RPRD2: variants seen among roughly 807,000 people sequenced by gnomAD.
RPRD2 encodes regulation of nuclear pre-mRNA domain-containing protein 2.
Under a neutral mutation model 104.4 loss-of-function variants are expected in RPRD2, and 12 were observed. That is an observed-to-expected ratio of 0.11 (90% CI 0.07 to 0.19). RPRD2 has a LOEUF of 0.19. Ranked by LOEUF, RPRD2 falls within the 10% of genes least tolerant of loss-of-function variation. RPRD2 has a pLI of 1.00. For missense variants in RPRD2, 1,543 were observed against 1,790.1 expected (o/e 0.86, Z 2.49); for synonymous variants, 714 against 684.9 (o/e 1.04, Z -0.66).
chr1:150,457,076 T>C (rs781785758), intron 7 of RPRD2, among the ~76,000 whole-genome samples: 24 of 151,816 alleles, frequency 1.6e-4, no homozygotes, highest in Non-Finnish European at 3.2e-4. Context: ...ATACAAAAAT[T>C]AGCCAGGCAT....
At chr1:150,432,364 G>C (rs1553892025) in intron 2 of RPRD2, among the ~76,000 whole-genome samples, 1 of 151,986 alleles carries the variant, frequency 6.6e-6, no homozygotes, top group Non-Finnish European at 1.5e-5. Flanking sequence ...AGAGATAAGG[G>C]GGAGTTATTG....
intron 1 of RPRD2, among the ~76,000 whole-genome samples, chr1:150,366,512 A>G (rs696615): frequency 6.6e-6 from 1 of 151,998 alleles, no homozygotes; most frequent in African/African-American, 2.4e-5. Context: ...ATCAAATATG[A>G]TAACAGTCAT....
intron 9 of RPRD2, among the ~76,000 whole-genome samples, chr1:150,462,192 C>G (rs1430626998): frequency 1.3e-4 from 19 of 150,730 alleles, no homozygotes; most frequent in Admixed American, 1.3e-4. Context: ...TGAGGCAGGA[C>G]AATCACTTGA....
chr1:150,448,049 C>T (rs2102377085), intron 7 of RPRD2, among the ~76,000 whole-genome samples: 2 of 152,264 alleles, frequency 1.3e-5, no homozygotes, highest in South Asian at 4.1e-4. Flanking sequence ...TATTTTTTGA[C>T]CATTAACACT....
At chr1:150,408,443 C>G (rs981114786) in intron 1 of RPRD2, among the ~76,000 whole-genome samples, 1 of 152,014 alleles carries the variant, frequency 6.6e-6, no homozygotes, top group Admixed American at 6.6e-5. Context: ...CATGAGCCAC[C>G]GCGCCTGGCC....
intron 1 of RPRD2, among the ~76,000 whole-genome samples, chr1:150,398,353 C>T (rs1002996692): frequency 4.0e-5 from 6 of 151,662 alleles, no homozygotes; most frequent in Non-Finnish European, 7.4e-5. Context: ...CCTGCCACCA[C>T]GCCTGGCTAA....
At position 150,466,561 on chromosome 1, in the gene RPRD2, A is replaced by T. The variant is rs868949821; in HGVS notation, c.1612+1834A>T. ...CCTGCCTCAAAAAAAAAAAAAAAAA[A>T]ATTTCTGAGACATGAATATATCTTT... On this transcript the variant is annotated intron_variant, in intron 10 of 10. Transcript: ENST00000369068. 6.5e-4 allele frequency among the ~76,000 whole-genome samples: 92 copies of T among 141,002 alleles called. 1 individual carries two copies. The highest frequency in any genetic ancestry group is 3.6e-3 in the Admixed American group (52 of 14,456). 92.5% of individuals were successfully genotyped at this position (141,002 alleles called of 152,430 possible).
rs587622264 is a variant in RPRD2 at position 150,436,143 on chromosome 1, A to C, written c.336-4780A>C. Among the ~76,000 whole-genome samples, 13 of 152,228 alleles carry C rather than the reference A, an allele frequency of 8.5e-5. No individual in the cohort carries two copies. In the South Asian group the frequency reaches 2.5e-3, roughly 29 times the overall value. On this transcript the variant is annotated intron_variant, in intron 2 of 10. Transcript: ENST00000369068. ...CTCTTGTTCAGGGAAAAAAAAAAAA[A>C]AACACAGATTCTTTACAAAATATTA...
At chr1:150,376,873 A>G (rs979907301) in intron 1 of RPRD2, among the ~76,000 whole-genome samples, 3 of 151,254 alleles carry the variant, frequency 2.0e-5, no homozygotes, top group African/African-American at 7.3e-5. Context: ...TTCTCTTATA[A>G]TATGTTATGC....
chr1:150,401,669 A>G (rs1663024631), intron 1 of RPRD2, among the ~76,000 whole-genome samples: 1 of 149,326 alleles, frequency 6.7e-6, no homozygotes, highest in South Asian at 2.1e-4. Flanking sequence ...TTTGAGACGG[A>G]GTGTCACTCT....
chr1:150,437,102 T>A (rs1405151613), intron 2 of RPRD2, among the ~76,000 whole-genome samples: 1 of 152,152 alleles, frequency 6.6e-6, no homozygotes, highest in Non-Finnish European at 1.5e-5. Flanking sequence ...TAATGATTCC[T>A]TTTATGGATC....
intron 4 of RPRD2, among the ~76,000 whole-genome samples, chr1:150,442,532 A>G (rs373444913): frequency 2.0e-5 from 3 of 152,308 alleles, no homozygotes; most frequent in South Asian, 2.1e-4. Flanking sequence ...AAACTGAGGA[A>G]TATTGAGAGA....
chr1:150,472,907 C>G lies in RPRD2; in HGVS notation c.3959C>G (p.Ala1320Gly), dbSNP rs1319386672. ...CTGGCAGAGCACGGAGTGGCAGGGG[C>G]TGTGGCAGTATTTCCCAAGGACCAT... ...PPLAEHGVAG[A>G]VAVFPKDHSS... The change falls in exon 11 of 11, where the codon GCT becomes GGT. Residue 1320 changes from alanine to glycine, a missense_variant. By Grantham distance (60) the Ala-to-Gly change is moderately conservative. Coordinates refer to ENST00000369068, the MANE Select transcript of RPRD2 (RefSeq NM_015203.5). The G allele has an allele frequency of 6.2e-7, 1 of 1,612,396 alleles. No homozygotes were observed. The highest frequency in any genetic ancestry group is 8.5e-7 in the Non-Finnish European group (1 of 1,179,304).
intron 1 of RPRD2, among the ~76,000 whole-genome samples, chr1:150,389,496 C>T (rs1661896219): frequency 6.6e-6 from 1 of 152,096 alleles, no homozygotes; most frequent in Admixed American, 6.6e-5. Context: ...AGGTAAAGTT[C>T]CATTTTCATC....
chr1:150,446,489 T>TA, intron 7 of RPRD2, 88 bp downstream of exon 7: 1 of 1,130,512 alleles, frequency 8.8e-7, no homozygotes, highest in Non-Finnish European at 1.2e-6. Flanking sequence ...TCTGTTAGGA[T>TA]ATGCATTTTT....
At chr1:150,429,895 G>A (rs1463062509) in intron 2 of RPRD2, among the ~76,000 whole-genome samples, 1 of 152,198 alleles carries the variant, frequency 6.6e-6, no homozygotes, top group African/African-American at 2.4e-5. Context: ...TATTAGAATG[G>A]CAAAGCTAAC....
rs587669439 is a variant in RPRD2 at position 150,428,163 on chromosome 1, T to G, written c.335+10438T>G. On this transcript the variant is annotated intron_variant, in intron 2 of 10. Coordinates refer to ENST00000369068, the MANE Select transcript of RPRD2 (RefSeq NM_015203.5). ...ACAGAGTGGCAAATTTTTGAATTTT[T>G]AGAATGAAAATCTATCCTCGCCGGG... Among the ~76,000 whole-genome samples, 3 of 152,150 alleles carry G rather than the reference T, an allele frequency of 2.0e-5. No homozygotes were observed. The South Asian group carries it at 6.2e-4, about 32-fold the overall frequency.
At chr1:150,455,025 T>C (rs1553897295) in intron 7 of RPRD2, among the ~76,000 whole-genome samples, 1 of 152,206 alleles carries the variant, frequency 6.6e-6, no homozygotes, top group African/African-American at 2.4e-5. Flanking sequence ...TCAACAGTGG[T>C]AAGTCGTATT....
chr1:150,430,362 T>C (rs1665469435), intron 2 of RPRD2, among the ~76,000 whole-genome samples: 1 of 151,532 alleles, frequency 6.6e-6, no homozygotes, highest in South Asian at 2.1e-4. Flanking sequence ...ACAGGAGAAA[T>C]AAGGAGTGGG....
Sources: gnomAD v4.1 joint callset for allele counts (sites outside exome capture counted in the v4.1 genomes callset) on GRCh38, gnomAD v4.1.1 for gene constraint, MANE v1.5 for transcripts, NCBI Gene and HGNC (gene_info 2026-07-23, HGNC 2026-07-21) for gene names.